Variants in RPGR observed in about 807,000 individuals in gnomAD.
RPGR encodes the protein X-linked retinitis pigmentosa GTPase regulator.
In RPGR, 10 loss-of-function variants were observed where a neutral mutation model predicts 56.3. That is an observed-to-expected ratio of 0.18 (90% CI 0.11 to 0.30). RPGR has a LOEUF of 0.30. Ranked by LOEUF, RPGR falls within the 10% of genes least tolerant of loss-of-function variation. The probability of loss-of-function intolerance (pLI) is 1.00; values close to 1 mark genes in which losing one functional copy is unlikely to be tolerated. For missense variants in RPGR, 538 were observed against 590.9 expected, an observed-to-expected ratio of 0.91 and a Z score of 0.93; for synonymous variants, 197 against 212.9, an observed-to-expected ratio of 0.93 and a Z score of 0.65.
At chrX:38,316,485 C>T (rs2147274897) in intron 6 of RPGR, among the ~76,000 whole-genome samples, 1 of 111,589 alleles carries the variant, frequency 9.0e-6, no homozygotes, top group Non-Finnish European at 1.9e-5. Context: ...GCTTATTTTC[C>T]CATTTGTGTT....
At position 38,323,460 on chromosome X, in the gene RPGR, C is replaced by A; in HGVS notation, c.93G>T (p.Trp31Cys). 8.3e-7 allele frequency: 1 copy of A among 1,207,068 alleles called. No homozygotes were observed. The highest frequency in any genetic ancestry group is 1.1e-6 in the Non-Finnish European group (1 of 891,729). ...GATGTACAGGGACATCATTTTTAAA[C>A]CAGAATTTACCGGGATTATTTTCAG... Residue 31 changes from tryptophan (W) to cysteine (C), a missense_variant, in exon 2 of 19, where the codon TGG becomes TGT. By Grantham distance (215) the Trp-to-Cys change is radical. Transcript: ENST00000642395.
At chrX:38,272,249 T>C (rs1327920965) in intron 18 of RPGR, 3 of 112,045 alleles carry the variant, frequency 2.7e-5, no homozygotes, top group African/African-American at 9.7e-5. Flanking sequence ...ACAAATGACA[T>C]GAATTCTCAG....
intron 8 of RPGR, among the ~76,000 whole-genome samples, chrX:38,304,162 C>G (rs1447040111): frequency 9.0e-6 from 1 of 111,220 alleles, no homozygotes; most frequent in African/African-American, 3.3e-5. Context: ...CTCTCTAACA[C>G]GTAGAAAGAG....
intron 8 of RPGR, chrX:38,302,604 C>G (rs1436913723): frequency 9.0e-6 from 1 of 110,719 alleles, no homozygotes; most frequent in Non-Finnish European, 1.9e-5. Flanking sequence ...TGGGAAACAA[C>G]TGGGTCACCT....
intron 5 of RPGR, among the ~76,000 whole-genome samples, chrX:38,318,575 A>G (rs1270534796): frequency 8.9e-6 from 1 of 111,996 alleles, no homozygotes; most frequent in Admixed American, 9.6e-5. Flanking sequence ...CAGACGGCAT[A>G]GCTTAGAGCT....
intron 15 of RPGR, chrX:38,286,280 C>T: frequency 1.2e-6 from 1 of 850,558 alleles, no homozygotes; most frequent in Non-Finnish European, 1.5e-6. Flanking sequence ...CCTTCTCCTT[C>T]CTCTTCTCCC....
chrX:38,316,240 T>C (rs934972240), intron 6 of RPGR, among the ~76,000 whole-genome samples: 12 of 110,865 alleles, frequency 1.1e-4, no homozygotes, highest in Non-Finnish European at 2.1e-4. Context: ...CTTAAATGGG[T>C]GAATTGTAGG....
chrX:38,283,400 C>T (rs1481362878), intron 15 of RPGR, among the ~76,000 whole-genome samples: 1 of 111,915 alleles, frequency 8.9e-6, no homozygotes, highest in Non-Finnish European at 1.9e-5. Flanking sequence ...AGAGCTCTAG[C>T]TGGTAATGAA....
At chrX:38,286,461 TTCCTCCTCTTCCCCCTCCCCTTCC>T in intron 15 of RPGR, 2 of 317,382 alleles carry the variant, frequency 6.3e-6, no homozygotes, top group Admixed American at 9.6e-5. Context: ...CCCCCTCCCC[TTCCTCCTCTTCCCCCTCCCCTTCC>T]TCCTCTTCCC....
intron 7 of RPGR, among the ~76,000 whole-genome samples, 175 bp downstream of exon 7, chrX:38,310,440 A>G (rs2067691644): frequency 9.0e-6 from 1 of 111,572 alleles, no homozygotes; most frequent in South Asian, 3.8e-4. Flanking sequence ...CTGCTGTACA[A>G]TGGTCGTGCC....
intron 15 of RPGR, among the ~76,000 whole-genome samples, chrX:38,277,799 T>C (rs1442991832): frequency 8.9e-6 from 1 of 111,890 alleles, no homozygotes; most frequent in African/African-American, 3.3e-5. Context: ...TGACTGATAC[T>C]CAACAGAATC....
At chrX:38,326,710 C>G (rs1418228352) in intron 1 of RPGR, 1 of 111,180 alleles carries the variant, frequency 9.0e-6, no homozygotes, top group African/African-American at 3.3e-5. Flanking sequence ...ACCGGGAGCT[C>G]AGGACCTCCA....
intron 6 of RPGR, among the ~76,000 whole-genome samples, chrX:38,312,335 TATAG>T (rs1338495274): frequency 9.0e-6 from 1 of 111,451 alleles, no homozygotes; most frequent in Non-Finnish European, 1.9e-5. Context: ...CATTTCTGTC[TATAG>T]ATTCCTGATT....
chrX:38,277,375 C>T (rs776905982), intron 15 of RPGR, among the ~76,000 whole-genome samples: 1 of 111,743 alleles, frequency 8.9e-6, no homozygotes, highest in South Asian at 3.7e-4. Context: ...ATAAAAGAGG[C>T]TGTCTATGGA....
At position 38,284,393 on chromosome X, in the gene RPGR, G is replaced by C; in HGVS notation, c.1905+2701C>G. On this transcript the variant is annotated intron_variant, in intron 15 of 18. Coordinates refer to ENST00000642395, the MANE Select transcript of RPGR (RefSeq NM_000328.3). ...ACTAGACAGTTTATCTTTTCATAAA[G>C]AATTTCTGACTATATACATTTAATT... 1.5e-6 allele frequency: 1 copy of C among 678,860 alleles called. No homozygotes were observed. The highest frequency in any genetic ancestry group is 1.8e-6 in the Non-Finnish European group (1 of 570,810). 55.9% of individuals were successfully genotyped at this position (678,860 alleles called of 1,213,427 possible).
chrX:38,325,472 C>T (rs1227462142), intron 1 of RPGR, among the ~76,000 whole-genome samples: 1 of 111,767 alleles, frequency 8.9e-6, no homozygotes, highest in Non-Finnish European at 1.9e-5. Flanking sequence ...GTTACCAAGT[C>T]GTCAACAAAG....
chrX:38,287,605 G>C (rs2067210008), intron 14 of RPGR: 5 of 507,709 alleles, frequency 9.8e-6, no homozygotes, highest in Non-Finnish European at 1.8e-5. Flanking sequence ...GCCAAAGAAA[G>C]GACTCATCTT....
intron 9 of RPGR, 99 bp from the exon 10 acceptor site, chrX:38,299,240 C>T (rs1465040538): frequency 2.3e-6 from 2 of 873,807 alleles, no homozygotes; most frequent in Non-Finnish European, 3.3e-6. Context: ...TAGTGGTAGG[C>T]TTCCTAGACA....
intron 11 of RPGR, among the ~76,000 whole-genome samples, chrX:38,293,037 C>T (rs952133931): frequency 7.1e-5 from 8 of 111,916 alleles, no homozygotes; most frequent in Middle Eastern, 4.6e-3. Context: ...AGTATTATAT[C>T]CTCATTTTGT....
Sources: gnomAD v4.1 joint callset for allele counts (sites outside exome capture counted in the v4.1 genomes callset) on GRCh38, gnomAD v4.1.1 for gene constraint, MANE v1.5 for transcripts, NCBI Gene and HGNC (gene_info 2026-07-23, HGNC 2026-07-21) for gene names.